The following HSF2 variants were observed in gnomAD, a reference collection of about 807,000 sequenced individuals.
HSF2 encodes the protein heat shock factor protein 2.
A neutral mutation model predicts 65.0 loss-of-function variants in HSF2; 21 were observed. The ratio of observed to expected loss-of-function variants is 0.32; its 90% CI spans 0.23 to 0.47. The LOEUF is 0.47. HSF2 is among the 20% of genes least tolerant of loss of function. The probability of loss-of-function intolerance (pLI) is 1.00; values close to 1 mark genes in which losing one functional copy is unlikely to be tolerated. For synonymous variants in HSF2, 225 were observed against 219.1 expected, an observed-to-expected ratio of 1.03 and a Z score of -0.24; for missense variants, 499 against 628.1, an observed-to-expected ratio of 0.79 and a Z score of 2.20.
intron 7 of HSF2, among the ~76,000 whole-genome samples, chr6:122,420,875 A>C (rs1489559699): frequency 1.3e-5 from 2 of 150,282 alleles, no homozygotes; most frequent in Non-Finnish European, 3.0e-5. Flanking sequence ...CCACACTTGG[A>C]TAATTTTTGT....
At chr6:122,413,401 G>A (rs1481500580) in intron 3 of HSF2, 124 bp from the exon 4 acceptor site, 7 of 649,936 alleles carry the variant, frequency 1.1e-5, no homozygotes, top group South Asian at 4.3e-5. Flanking sequence ...ATTTCATCCC[G>A]GGCTTTTGGA....
rs150606666 is a variant in HSF2 at position 122,408,747 on chromosome 6, A to G, written c.94-3626A>G. Among the ~76,000 whole-genome samples the G allele has an allele frequency of 3.7e-3, 563 of 152,170 alleles. 16 individuals carry two copies. Among genetic ancestry groups the G allele is most frequent in the South Asian group, 0.034 (163 of 4,824 alleles). Reference sequence around the variant, plus strand: ...CTTTTGGCAGTAACTAAGAGTGAGTAGAAGCAATTATCATGGCATTCTGGC... The same window carrying G: ...CTTTTGGCAGTAACTAAGAGTGAGTGGAAGCAATTATCATGGCATTCTGGC... On this transcript the variant is annotated intron_variant, in intron 1 of 12. Transcript: ENST00000368455.
chr6:122,419,914 A>G (rs1774196999), intron 6 of HSF2, among the ~76,000 whole-genome samples: 1 of 151,702 alleles, frequency 6.6e-6, no homozygotes, highest in South Asian at 2.1e-4. Flanking sequence ...TATTATAACA[A>G]AAAGAGTGTA....
At chr6:122,430,495 T>C (rs1582622178) in intron 11 of HSF2, among the ~76,000 whole-genome samples, 2 of 152,198 alleles carry the variant, frequency 1.3e-5, no homozygotes, top group East Asian at 1.9e-4. Flanking sequence ...TTAATGTTTA[T>C]ATATTTATTG....
chr6:122,418,693 G>A (rs932650403), intron 5 of HSF2, among the ~76,000 whole-genome samples: 6 of 151,914 alleles, frequency 3.9e-5, no homozygotes, highest in Non-Finnish European at 8.8e-5. Context: ...GCTGGTCTCC[G>A]ACTCCTGGGC....
chr6:122,409,307 G>T (rs1002616474), intron 1 of HSF2, among the ~76,000 whole-genome samples: 2 of 152,022 alleles, frequency 1.3e-5, no homozygotes, highest in African/African-American at 2.4e-5. Context: ...ACAGAGAGGT[G>T]TAGGAAGATC....
At chr6:122,425,105 T>C (rs994270601) in intron 10 of HSF2, among the ~76,000 whole-genome samples, 5 of 152,060 alleles carry the variant, frequency 3.3e-5, no homozygotes, top group African/African-American at 1.2e-4. Flanking sequence ...CTTTCCCGTC[T>C]GCCTTCAGTA....
intron 11 of HSF2, among the ~76,000 whole-genome samples, chr6:122,430,934 A>G (rs933324615): frequency 6.6e-6 from 1 of 152,190 alleles, no homozygotes; most frequent in African/African-American, 2.4e-5. Flanking sequence ...AGGCTTCTAA[A>G]TAGTGATAAA....
chr6:122,423,980 T>A (rs1324570000), intron 10 of HSF2, among the ~76,000 whole-genome samples: 2 of 152,048 alleles, frequency 1.3e-5, no homozygotes, highest in African/African-American at 2.4e-5. Context: ...CTCTTTTCTG[T>A]TTTGCTCTAG....
intron 7 of HSF2, among the ~76,000 whole-genome samples, chr6:122,421,254 T>C (rs1336101895): frequency 2.6e-5 from 4 of 152,054 alleles, no homozygotes; most frequent in South Asian, 2.1e-4. Context: ...TCCAGATCTT[T>C]TTTATTATCT....
At chr6:122,403,502 G>C (rs1020507705) in intron 1 of HSF2, among the ~76,000 whole-genome samples, 5 of 151,920 alleles carry the variant, frequency 3.3e-5, no homozygotes, top group African/African-American at 1.2e-4. Context: ...AGCTACTCAG[G>C]AGGCTGAAGA....
intron 11 of HSF2, 123 bp from the exon 12 acceptor site, chr6:122,431,304 CTGA>C (rs1774460353): frequency 5.2e-6 from 2 of 384,740 alleles, no homozygotes; most frequent in Non-Finnish European, 9.2e-6. Flanking sequence ...CCCATTTTCC[CTGA>C]TGTTTCCCCA....
chr6:122,400,770 T>C (rs1200033395), intron 1 of HSF2, among the ~76,000 whole-genome samples: 1 of 152,216 alleles, frequency 6.6e-6, no homozygotes. Context: ...TCCTAGGCTG[T>C]TGGAATCATT....
chr6:122,413,739 G>A (rs1328962221), intron 4 of HSF2, 90 bp downstream of exon 4: 4 of 1,078,734 alleles, frequency 3.7e-6, no homozygotes, highest in Admixed American at 4.5e-5. Context: ...ATGTTTTATT[G>A]TAAGTACTCA....
At chr6:122,413,742 A>AG (rs1774055617) in intron 4 of HSF2, 93 bp downstream of exon 4, 1 of 1,050,298 alleles carries the variant, frequency 9.5e-7, no homozygotes, top group African/African-American at 1.6e-5. Flanking sequence ...TTTTATTGTA[A>AG]GTACTCAGAT....
chr6:122,426,041 T>G (rs1022708196), intron 10 of HSF2, among the ~76,000 whole-genome samples: 2 of 152,104 alleles, frequency 1.3e-5, no homozygotes, highest in Admixed American at 1.3e-4. Context: ...ATTCTCTTTC[T>G]CTCATCATTC....
intron 12 of HSF2, among the ~76,000 whole-genome samples, 167 bp downstream of exon 12, chr6:122,431,681 T>C (rs1255286448): frequency 3.9e-4 from 6 of 15,268 alleles, no homozygotes; most frequent in Non-Finnish European, 7.8e-4. Context: ...AACAATTCTT[T>C]AAGTTTTTTT....
chr6:122,417,964 A>T (rs575082416), intron 5 of HSF2, among the ~76,000 whole-genome samples: 6 of 152,284 alleles, frequency 3.9e-5, no homozygotes, highest in African/African-American at 1.4e-4. Context: ...TCTTCAGTTA[A>T]AATGTCTATA....
intron 6 of HSF2, 42 bp from the exon 7 acceptor site, chr6:122,420,093 G>T: frequency 1.9e-6 from 3 of 1,558,354 alleles, no homozygotes; most frequent in Non-Finnish European, 8.7e-7. Context: ...TAAATTCATT[G>T]TATGTTTGCT....
Sources: gnomAD v4.1 joint callset for allele counts (sites outside exome capture counted in the v4.1 genomes callset) on GRCh38, gnomAD v4.1.1 for gene constraint, MANE v1.5 for transcripts, NCBI Gene and HGNC (gene_info 2026-07-23, HGNC 2026-07-21) for gene names.